IMMP2L: variants seen among roughly 807,000 people sequenced by gnomAD.
The protein encoded by IMMP2L is inner mitochondrial membrane peptidase subunit 2, also known as mitochondrial inner membrane protease subunit 2.
A neutral mutation model predicts 19.3 loss-of-function variants in IMMP2L; 18 were observed. The observed-to-expected ratio is 0.93, with a 90% CI of 0.64 to 1.38. The LOEUF (loss-of-function observed/expected upper bound fraction) is 1.38, where lower values mean the gene tolerates loss of function less well. Ranked by LOEUF, IMMP2L falls within the 40% of genes most tolerant of loss-of-function variation. The pLI is 0.00. For missense variants in IMMP2L, 233 were observed against 218.2 expected (o/e 1.07, Z -0.43); for synonymous variants, 76 against 73.0 (o/e 1.04, Z -0.21).
chr7:110,771,296 G>A (rs1251486230), intron 5 of IMMP2L, among the ~76,000 whole-genome samples: 3 of 152,094 alleles, frequency 2.0e-5, no homozygotes, highest in Non-Finnish European at 2.9e-5. Context: ...GGGGATGAGG[G>A]AGCTGCCCAG....
chr7:111,192,166 A>G (rs939849710), intron 3 of IMMP2L, among the ~76,000 whole-genome samples: 3 of 151,224 alleles, frequency 2.0e-5, no homozygotes, highest in African/African-American at 7.4e-5. Context: ...ACAGAATATA[A>G]CAATATATTT....
intron 5 of IMMP2L, among the ~76,000 whole-genome samples, chr7:110,883,866 T>C (rs1208772591): frequency 6.6e-6 from 1 of 151,780 alleles, no homozygotes; most frequent in African/African-American, 2.4e-5. Flanking sequence ...ATAAAAATGA[T>C]AGAAAAACTT....
intron 1 of IMMP2L, among the ~76,000 whole-genome samples, chr7:111,534,863 T>C (rs1847738727): frequency 6.6e-6 from 1 of 152,144 alleles, no homozygotes; most frequent in Non-Finnish European, 1.5e-5. Flanking sequence ...CAAAGATATT[T>C]TCCCCTGTGT....
intron 1 of IMMP2L, among the ~76,000 whole-genome samples, 165 bp downstream of exon 1, chr7:111,561,686 C>T (rs1045429455): frequency 1.3e-5 from 2 of 152,066 alleles, no homozygotes; most frequent in Non-Finnish European, 2.9e-5. Context: ...CAGTCCGGGG[C>T]CTGGAGCCTG....
chr7:111,442,631 C>T (rs2131806342), intron 3 of IMMP2L, among the ~76,000 whole-genome samples: 1 of 151,852 alleles, frequency 6.6e-6, no homozygotes, highest in East Asian at 1.9e-4. Flanking sequence ...CGCAATATGT[C>T]TGTATAGGTA....
At chr7:111,507,565 G>A (rs538750200) in intron 2 of IMMP2L, among the ~76,000 whole-genome samples, 3 of 152,052 alleles carry the variant, frequency 2.0e-5, no homozygotes, top group Non-Finnish European at 2.9e-5. Context: ...TTTGTCCAGC[G>A]TCTGCCAACA....
chr7:110,876,015 T>C (rs1216538124), intron 5 of IMMP2L, among the ~76,000 whole-genome samples: 1 of 152,162 alleles, frequency 6.6e-6, no homozygotes, highest in Admixed American at 6.6e-5. Flanking sequence ...GAACATTCTA[T>C]ATCATTTCTT....
chr7:111,474,653 CTCTT>C (rs1841564778), intron 3 of IMMP2L, among the ~76,000 whole-genome samples: 1 of 152,076 alleles, frequency 6.6e-6, no homozygotes, highest in South Asian at 2.1e-4. Flanking sequence ...GATAATTGGC[CTCTT>C]TCTTTATTAA....
intron 3 of IMMP2L, among the ~76,000 whole-genome samples, chr7:111,085,735 TA>T (rs1156916677): frequency 6.6e-6 from 1 of 152,134 alleles, no homozygotes; most frequent in African/African-American, 2.4e-5. Flanking sequence ...GAAACCAACC[TA>T]AATGCCCATC....
chr7:111,327,939 G>T (rs866548777), intron 3 of IMMP2L, among the ~76,000 whole-genome samples: 10 of 151,604 alleles, frequency 6.6e-5, no homozygotes, highest in South Asian at 4.2e-4. Flanking sequence ...TGGAAAATAG[G>T]TACGTATAGT....
intron 3 of IMMP2L, among the ~76,000 whole-genome samples, chr7:111,325,320 T>A (rs1475595511): frequency 2.0e-5 from 3 of 151,742 alleles, no homozygotes; most frequent in Admixed American, 1.3e-4. Flanking sequence ...AGATTAGCTA[T>A]CTTTAAATTA....
chr7:110,923,252 T>C (rs1298529549), intron 4 of IMMP2L, among the ~76,000 whole-genome samples: 1 of 152,150 alleles, frequency 6.6e-6, no homozygotes, highest in East Asian at 1.9e-4. Flanking sequence ...GTAACTCTTA[T>C]ACTATCAAGG....
intron 3 of IMMP2L, among the ~76,000 whole-genome samples, chr7:111,440,113 G>T (rs1267065833): frequency 1.3e-5 from 2 of 151,820 alleles, no homozygotes; most frequent in African/African-American, 4.9e-5. Flanking sequence ...TTCTTCCCCT[G>T]AAGTCTTAAA....
At chr7:111,541,668 G>C (rs1222078833) in intron 1 of IMMP2L, among the ~76,000 whole-genome samples, 1 of 152,032 alleles carries the variant, frequency 6.6e-6, no homozygotes, top group Non-Finnish European at 1.5e-5. Flanking sequence ...AAATGGCTTA[G>C]AAAGAAAATT....
intron 3 of IMMP2L, among the ~76,000 whole-genome samples, chr7:111,176,150 C>G (rs1183660447): frequency 6.6e-6 from 1 of 151,756 alleles, no homozygotes; most frequent in East Asian, 1.9e-4. Flanking sequence ...AAAAGGAAAC[C>G]CTTGTGCACT....
chr7:110,843,594 G>A (rs1273070929), intron 5 of IMMP2L, among the ~76,000 whole-genome samples: 1 of 152,110 alleles, frequency 6.6e-6, no homozygotes, highest in Admixed American at 6.6e-5. Flanking sequence ...AATATACAAG[G>A]TCCCTGCTAT....
At chr7:111,504,677 A>G (rs1362830124) in intron 2 of IMMP2L, among the ~76,000 whole-genome samples, 2 of 152,190 alleles carry the variant, frequency 1.3e-5, no homozygotes, top group African/African-American at 2.4e-5. Context: ...GCATATCTAC[A>G]ACCATCTGAT....
At chr7:110,764,228 T>C (rs1255817962) in intron 5 of IMMP2L, among the ~76,000 whole-genome samples, 1 of 152,140 alleles carries the variant, frequency 6.6e-6, no homozygotes, top group African/African-American at 2.4e-5. Context: ...ATGCCAACTA[T>C]ATAACCACTT....
rs185363662 is a variant in IMMP2L at position 111,487,010 on chromosome 7, T to C, written c.239+228A>G. On this transcript the variant is annotated intron_variant, in intron 3 of 5. Coordinates refer to ENST00000405709, the MANE Select transcript of IMMP2L (RefSeq NM_032549.4). ...AATTTCTAATCAACATTTCATTAAA[T>C]ACATTTCACCAAATCCAAATATGTT... Among the ~76,000 whole-genome samples the C allele has an allele frequency of 5.7e-3, 868 of 152,274 alleles. 12 individuals are homozygous for C. The highest frequency in any genetic ancestry group is 6.5e-3 in the Non-Finnish European group (445 of 67,990).
Sources: allele counts gnomAD v4.1 joint callset (sites outside exome capture counted in the v4.1 genomes callset), GRCh38; gene constraint gnomAD v4.1.1; transcripts MANE v1.5; gene names NCBI Gene and HGNC (gene_info 2026-07-23, HGNC 2026-07-21).